The following CDK14 variants were observed in gnomAD, a reference collection of about 807,000 sequenced individuals.
CDK14 encodes cyclin-dependent kinase 14.
Under a neutral mutation model 60.7 loss-of-function variants are expected in CDK14, and 34 were observed. The observed-to-expected ratio is 0.56, with a 90% CI of 0.43 to 0.75. The LOEUF (loss-of-function observed/expected upper bound fraction) is 0.75, where lower values mean the gene tolerates loss of function less well. Ranked by LOEUF, CDK14 falls within the 30% of genes least tolerant of loss-of-function variation. The probability of loss-of-function intolerance (pLI) is 0.00; values close to 1 mark genes in which losing one functional copy is unlikely to be tolerated. For synonymous variants in CDK14, 197 were observed against 203.7 expected (o/e 0.97, Z 0.28); for missense variants, 482 against 564.1 (o/e 0.85, Z 1.47).
intron 14 of CDK14, among the ~76,000 whole-genome samples, chr7:91,171,236 G>C (rs1479955891): frequency 1.3e-5 from 2 of 151,942 alleles, no homozygotes; most frequent in African/African-American, 4.8e-5. Flanking sequence ...TGTAATCCCG[G>C]CTACTCAGGA....
intron 4 of CDK14, among the ~76,000 whole-genome samples, chr7:90,784,694 A>G (rs1232466920): frequency 6.6e-6 from 1 of 152,158 alleles, no homozygotes; most frequent in Non-Finnish European, 1.5e-5. Flanking sequence ...TTTTTCTGGA[A>G]TAAAGTATTG....
intron 11 of CDK14, among the ~76,000 whole-genome samples, chr7:91,066,874 T>A (rs1037131761): frequency 1.3e-5 from 2 of 152,232 alleles, no homozygotes; most frequent in Admixed American, 1.3e-4. Flanking sequence ...GGGATCATCC[T>A]CTGCAATGTC....
At chr7:90,741,843 C>G (rs1803360757) in intron 3 of CDK14, among the ~76,000 whole-genome samples, 1 of 151,860 alleles carries the variant, frequency 6.6e-6, no homozygotes, top group South Asian at 2.1e-4. Context: ...GGAACCTTTC[C>G]TTTGTTACTA....
intron 14 of CDK14, among the ~76,000 whole-genome samples, chr7:91,204,723 C>G: frequency 6.6e-6 from 1 of 152,134 alleles, no homozygotes. Flanking sequence ...CCAAGGCAGG[C>G]AGATGGCTTG....
At chr7:91,008,242 C>T (rs1796049405) in intron 10 of CDK14, among the ~76,000 whole-genome samples, 1 of 151,386 alleles carries the variant, frequency 6.6e-6, no homozygotes, top group African/African-American at 2.4e-5. Flanking sequence ...TCTGCTAACT[C>T]AAGGTGAAGC....
rs557240305 is a variant in CDK14 at position 91,063,744 on chromosome 7, A to G, written c.1106-15688A>G. 2.6e-5 allele frequency among the ~76,000 whole-genome samples: 4 copies of G among 152,330 alleles called. No homozygotes were observed. The South Asian group carries it at 8.3e-4, about 32-fold the overall frequency. ...ACTGTTGCCTCAAAAGGAGTAATGT[A>G]GGATAGATGAAGCATTTGCCCTCCC... On this transcript the variant is annotated intron_variant, in intron 11 of 14. Coordinates refer to ENST00000380050, the MANE Select transcript of CDK14 (RefSeq NM_001287135.2).
At chr7:90,716,800 T>G (rs575235508) in intron 2 of CDK14, among the ~76,000 whole-genome samples, 1 of 152,192 alleles carries the variant, frequency 6.6e-6, no homozygotes, top group South Asian at 2.1e-4. Flanking sequence ...TCCCTCTAAA[T>G]TTGCCCTCTC....
intron 14 of CDK14, among the ~76,000 whole-genome samples, chr7:91,129,344 G>A (rs1209180577): frequency 6.6e-6 from 1 of 152,156 alleles, no homozygotes; most frequent in Admixed American, 6.6e-5. Context: ...TTTGGAGGGG[G>A]CGGAAAAAGC....
At chr7:90,605,038 T>A (rs1178247736) in intron 2 of CDK14, among the ~76,000 whole-genome samples, 1 of 152,240 alleles carries the variant, frequency 6.6e-6, no homozygotes, top group Non-Finnish European at 1.5e-5. Flanking sequence ...TACAGTGTGC[T>A]TACCCTAAAG....
chr7:90,984,540 A>C (rs955486223), intron 10 of CDK14, among the ~76,000 whole-genome samples: 1 of 152,222 alleles, frequency 6.6e-6, no homozygotes, highest in Non-Finnish European at 1.5e-5. Flanking sequence ...ATTGCTATAT[A>C]GATACTCCCT....
chr7:90,640,908 A>G (rs998558460), intron 2 of CDK14, among the ~76,000 whole-genome samples: 2 of 152,160 alleles, frequency 1.3e-5, no homozygotes, highest in African/African-American at 4.8e-5. Flanking sequence ...ATAATAAAAG[A>G]CAACCCAATT....
intron 3 of CDK14, among the ~76,000 whole-genome samples, chr7:90,735,196 G>C (rs1272427630): frequency 3.3e-5 from 5 of 152,144 alleles, no homozygotes; most frequent in Non-Finnish European, 7.3e-5. Context: ...TCATCCCAGA[G>C]GGTCACCCAC....
intron 5 of CDK14, among the ~76,000 whole-genome samples, chr7:90,858,614 A>C (rs911704942): frequency 6.6e-6 from 1 of 152,196 alleles, no homozygotes; most frequent in Non-Finnish European, 1.5e-5. Context: ...CATGATATTC[A>C]GGGGCCCTTA....
At chr7:90,625,707 C>T (rs151079915) in intron 2 of CDK14, among the ~76,000 whole-genome samples, 1 of 152,254 alleles carries the variant, frequency 6.6e-6, no homozygotes, top group Non-Finnish European at 1.5e-5. Context: ...CCCTCCTCAC[C>T]CATCCCCCAG....
At chr7:90,638,477 T>G (rs1007213406) in intron 2 of CDK14, among the ~76,000 whole-genome samples, 19 of 152,222 alleles carry the variant, frequency 1.2e-4, no homozygotes, top group African/African-American at 2.7e-4. Flanking sequence ...CTTCTGGCTT[T>G]TAGAGTTTCT....
At chr7:91,081,222 T>C (rs139822826) in intron 12 of CDK14, among the ~76,000 whole-genome samples, 108 of 152,306 alleles carry the variant, frequency 7.1e-4, no homozygotes, top group African/African-American at 2.2e-3. Flanking sequence ...GTTAATTATA[T>C]TATTGATTCT....
intron 11 of CDK14, among the ~76,000 whole-genome samples, chr7:91,057,942 G>T (rs1364368364): frequency 1.3e-5 from 2 of 152,064 alleles, no homozygotes; most frequent in East Asian, 1.9e-4. Flanking sequence ...ATTCTGTGAA[G>T]AAAGTCATTG....
chr7:91,125,360 CAAAGTT>C (rs1799909861), intron 14 of CDK14, among the ~76,000 whole-genome samples: 1 of 152,068 alleles, frequency 6.6e-6, no homozygotes, highest in South Asian at 2.1e-4. Context: ...TTCTGATAGA[CAAAGTT>C]AAACACTTTA....
chr7:90,615,399 A>G (rs1382185340), intron 2 of CDK14, among the ~76,000 whole-genome samples: 1 of 152,208 alleles, frequency 6.6e-6, no homozygotes, highest in Non-Finnish European at 1.5e-5. Flanking sequence ...TAAGATGTCT[A>G]TAAAGTGTGG....
Sources: gnomAD v4.1 joint callset for allele counts (sites outside exome capture counted in the v4.1 genomes callset) on GRCh38, gnomAD v4.1.1 for gene constraint, MANE v1.5 for transcripts, NCBI Gene and HGNC (gene_info 2026-07-23, HGNC 2026-07-21) for gene names.